Variants in ARHGAP12 observed in about 807,000 individuals in gnomAD.
ARHGAP12 encodes the protein Rho GTPase activating protein 12.
A neutral mutation model predicts 108.6 loss-of-function variants in ARHGAP12; 64 were observed. That is an observed-to-expected ratio of 0.59 (90% CI 0.48 to 0.73). The LOEUF is 0.73. Among genes scored for constraint, ARHGAP12 ranks in the 30% least tolerant of loss-of-function variants. The pLI is 0.00. For missense variants in ARHGAP12, 940 were observed against 1,005.9 expected (o/e 0.93, Z 0.89); for synonymous variants, 312 against 337.2 (o/e 0.93, Z 0.82).
At chr10:31,903,975 C>T (rs184860599) in intron 3 of ARHGAP12, among the ~76,000 whole-genome samples, 28 of 152,224 alleles carry the variant, frequency 1.8e-4, no homozygotes, top group African/African-American at 5.5e-4. Flanking sequence ...CTGGTGAGCA[C>T]GCGGAGGAAC....
At position 31,867,387 on chromosome 10, in the gene ARHGAP12, A is replaced by C. The variant is rs376341012; in HGVS notation, c.685-5729T>G. On this transcript the variant is annotated intron_variant, in intron 3 of 19. Transcript: ENST00000344936. ...CTAAACCACTGAAAAATTCAAGGGA[A>C]TTAACACTGATTGATTACCAACAAT... Among the ~76,000 whole-genome samples the C allele has an allele frequency of 7.9e-5, 12 of 152,334 alleles. No homozygotes were observed. In the East Asian group the frequency reaches 1.7e-3, roughly 22 times the overall value.
intron 3 of ARHGAP12, among the ~76,000 whole-genome samples, chr10:31,890,318 A>T (rs1838367316): frequency 6.6e-6 from 1 of 152,212 alleles, no homozygotes; most frequent in Non-Finnish European, 1.5e-5. Context: ...AATAATTCCA[A>T]CCTACAAATA....
intron 11 of ARHGAP12, among the ~76,000 whole-genome samples, chr10:31,823,758 T>C (rs1835499865): frequency 6.6e-6 from 1 of 152,202 alleles, no homozygotes; most frequent in Non-Finnish European, 1.5e-5. Context: ...AAAGGAAATA[T>C]GGGCTCTGCT....
chr10:31,817,931 C>T lies in ARHGAP12; in HGVS notation c.1633-45G>A, dbSNP rs1191030196. 5 of 1,429,934 alleles carry T rather than the reference C, an allele frequency of 3.5e-6. No homozygotes were observed. In the South Asian group the frequency reaches 5.9e-5, roughly 17 times the overall value. The allele number at this position is 1,429,934 out of a possible 1,614,324, so 88.6% of individuals were successfully genotyped here. A position where few individuals can be genotyped will look rare whatever the true frequency, so the allele number is the denominator to read the frequency against. On this transcript the variant is annotated intron_variant, in intron 12 of 19. Transcript: ENST00000344936. ...GAAAAAAGAGTATGGTCAGTTTGTG[C>T]TTTCAGCAAAATACATGAATACCTT...
chr10:31,891,845 T>C (rs935338555), intron 3 of ARHGAP12, among the ~76,000 whole-genome samples: 1 of 152,230 alleles, frequency 6.6e-6, no homozygotes, highest in Admixed American at 6.5e-5. Context: ...CCTCCATCAC[T>C]GATACCTCTT....
intron 13 of ARHGAP12, among the ~76,000 whole-genome samples, chr10:31,815,251 A>G (rs1835163616): frequency 6.6e-6 from 1 of 152,160 alleles, no homozygotes; most frequent in Admixed American, 6.5e-5. Context: ...CTGCCTTCAC[A>G]TGGAGATCTT....
chr10:31,840,336 A>G (rs1004265916), intron 7 of ARHGAP12, among the ~76,000 whole-genome samples: 14 of 150,670 alleles, frequency 9.3e-5, no homozygotes, highest in Admixed American at 8.7e-4. Context: ...AGAGTATCAT[A>G]AGACCAAACC....
At chr10:31,878,425 C>A (rs2132356257) in intron 3 of ARHGAP12, among the ~76,000 whole-genome samples, 1 of 152,320 alleles carries the variant, frequency 6.6e-6, no homozygotes, top group East Asian at 1.9e-4. Flanking sequence ...ACTAACTGAT[C>A]AGCTTTTTGA....
intron 4 of ARHGAP12, among the ~76,000 whole-genome samples, chr10:31,860,198 A>T (rs1203861377): frequency 6.6e-6 from 1 of 152,234 alleles, no homozygotes; most frequent in Non-Finnish European, 1.5e-5. Flanking sequence ...ATGGGACAAG[A>T]AGGGAGTTAT....
intron 3 of ARHGAP12, among the ~76,000 whole-genome samples, chr10:31,862,448 G>C (rs1258731191): frequency 6.6e-6 from 1 of 151,906 alleles, no homozygotes; most frequent in Non-Finnish European, 1.5e-5. Flanking sequence ...TTTGTATAAG[G>C]GCACTGTAAA....
chr10:31,845,228 T>C (rs759626638), intron 6 of ARHGAP12, among the ~76,000 whole-genome samples: 17 of 152,228 alleles, frequency 1.1e-4, no homozygotes, highest in Non-Finnish European at 2.2e-4. Flanking sequence ...TCCAGCAACT[T>C]TGCTGAACTC....
intron 1 of ARHGAP12, among the ~76,000 whole-genome samples, chr10:31,923,966 T>A (rs555053866): frequency 3.9e-4 from 59 of 152,244 alleles, no homozygotes; most frequent in South Asian, 1.9e-3. Flanking sequence ...TGTATTTTTT[T>A]AAAAAAACTG....
chr10:31,890,263 A>G (rs1457945446), intron 3 of ARHGAP12, among the ~76,000 whole-genome samples: 1 of 152,204 alleles, frequency 6.6e-6, no homozygotes, highest in Non-Finnish European at 1.5e-5. Context: ...CCTAAATTTT[A>G]AAAAAGTAAA....
intron 11 of ARHGAP12, among the ~76,000 whole-genome samples, chr10:31,824,000 G>A (rs1363173650): frequency 1.3e-5 from 2 of 152,040 alleles, no homozygotes; most frequent in African/African-American, 4.8e-5. Flanking sequence ...CCCAATTCCA[G>A]AGTTAAAGAG....
chr10:31,873,606 G>A (rs998056176), intron 3 of ARHGAP12, among the ~76,000 whole-genome samples: 25 of 152,126 alleles, frequency 1.6e-4, no homozygotes, highest in Admixed American at 1.6e-3. Flanking sequence ...TTAAGAACAT[G>A]ACCATGTCTT....
chr10:31,867,969 G>A (rs578161113), intron 3 of ARHGAP12, among the ~76,000 whole-genome samples: 4 of 152,106 alleles, frequency 2.6e-5, no homozygotes, highest in South Asian at 4.1e-4. Flanking sequence ...GTAGGAGGCC[G>A]AGGGCAGATC....
intron 10 of ARHGAP12, among the ~76,000 whole-genome samples, chr10:31,827,439 C>A (rs989338949): frequency 6.6e-6 from 1 of 152,142 alleles, no homozygotes; most frequent in African/African-American, 2.4e-5. Flanking sequence ...AATGTCAAAT[C>A]TGTCTACTGC....
At chr10:31,830,490 C>T (rs540674150) in intron 10 of ARHGAP12, among the ~76,000 whole-genome samples, 1 of 152,102 alleles carries the variant, frequency 6.6e-6, no homozygotes, top group African/African-American at 2.4e-5. Context: ...AATAAAGACT[C>T]AATTCACAAC....
chr10:31,920,306 C>G (rs1839741326), intron 1 of ARHGAP12, among the ~76,000 whole-genome samples: 2 of 150,628 alleles, frequency 1.3e-5, no homozygotes, highest in Admixed American at 6.6e-5. Flanking sequence ...AGAAATTAGC[C>G]AGGCGTGGTG....
Sources: gnomAD v4.1 joint callset for allele counts (sites outside exome capture counted in the v4.1 genomes callset) on GRCh38, gnomAD v4.1.1 for gene constraint, MANE v1.5 for transcripts, NCBI Gene and HGNC (gene_info 2026-07-23, HGNC 2026-07-21) for gene names.